The following JAKMIP1 variants were observed in gnomAD, a reference collection of about 807,000 sequenced individuals.
JAKMIP1 encodes the protein janus kinase and microtubule-interacting protein 1.
A neutral mutation model predicts 113.0 loss-of-function variants in JAKMIP1; 33 were observed. The observed-to-expected ratio is 0.29, with a 90% CI of 0.22 to 0.39. The LOEUF is 0.39. Among genes scored for constraint, JAKMIP1 ranks in the 10% least tolerant of loss-of-function variants. The pLI, the probability that JAKMIP1 is intolerant of heterozygous loss-of-function variation, is 1.00. For synonymous variants in JAKMIP1, 480 were observed against 459.9 expected, an observed-to-expected ratio of 1.04 and a Z score of -0.56; for missense variants, 813 against 1,080.5, an observed-to-expected ratio of 0.75 and a Z score of 3.47.
At chr4:6,134,911 A>T (rs1719013152) in intron 1 of JAKMIP1, among the ~76,000 whole-genome samples, 1 of 152,226 alleles carries the variant, frequency 6.6e-6, no homozygotes, top group Non-Finnish European at 1.5e-5. Flanking sequence ...CGCAGTGTAG[A>T]TGCAGATAAA....
At chr4:6,090,158 G>A (rs1721841620) in intron 3 of JAKMIP1, among the ~76,000 whole-genome samples, 1 of 151,956 alleles carries the variant, frequency 6.6e-6, no homozygotes, top group Non-Finnish European at 1.5e-5. Context: ...GCAGGCAGAG[G>A]TTGCAGTGAG....
intron 1 of JAKMIP1, among the ~76,000 whole-genome samples, chr4:6,118,197 A>G (rs1238545220): frequency 6.6e-6 from 1 of 152,218 alleles, no homozygotes; most frequent in East Asian, 1.9e-4. Context: ...GAAGTAATAA[A>G]TGTCCATAAA....
Position 6,199,608 on chromosome 4 carries a change from C to G in JAKMIP1, c.-148+645G>C, listed in dbSNP as rs1365798879. 6.6e-6 allele frequency among the ~76,000 whole-genome samples: 1 copy of G among 152,010 alleles called. No homozygotes were observed. The highest frequency in any genetic ancestry group is 2.4e-5 in the African/African-American group (1 of 41,430). ...TGGGTGCCAGCCTTTCTTCCCATCT[C>G]TCGAGCCTCCTCCCCGGCGCCCACG... On this transcript the variant is annotated intron_variant, in intron 1 of 20. Transcript: ENST00000409021. The surrounding 1 kb of genome is among the most constrained non-coding windows in gnomAD (Gnocchi z 5.6).
Position 6,105,459 on chromosome 4 carries a change from G to C in JAKMIP1, c.624+14C>G. 6.4e-7 allele frequency: 1 copy of C among 1,574,004 alleles called. No homozygotes were observed. Among genetic ancestry groups the C allele is most frequent in the Middle Eastern group, 2.1e-4 (1 of 4,784 alleles). On this transcript the variant is annotated intron_variant, in intron 3 of 20. Coordinates refer to ENST00000409021, the MANE Select transcript of JAKMIP1 (RefSeq NM_001099433.2). Reference sequence around the variant, plus strand: ...GGCCGCGTGCCCGCGGGCGGGGGAGGGGGCGGCACGTACCAGCCTGCGGAT... The same window carrying C: ...GGCCGCGTGCCCGCGGGCGGGGGAGCGGGCGGCACGTACCAGCCTGCGGAT...
intron 2 of JAKMIP1, among the ~76,000 whole-genome samples, chr4:6,112,199 T>C (rs1715048408): frequency 6.6e-6 from 1 of 152,218 alleles, no homozygotes; most frequent in South Asian, 2.1e-4. Context: ...CTTAGGAGCA[T>C]TTTTAAACAA....
Position 6,084,847 on chromosome 4 carries a change from A to T in JAKMIP1, c.953T>A (p.Leu318Gln). ...CGCCTGTCTCTTGGGGCTACTTACC[A>T]GTTCATTCCTCTCATCTGCCAACAG... The part of the protein sequence containing the change: ...NTLLADERNE[L>Q]LKRSRETEVQ... Residue 318 changes from leucine (L) to glutamine (Q), a missense_variant and splice_region_variant, in exon 5 of 21, where the codon CTG becomes CAG. This residue lies in a region of JAKMIP1 where 540 missense variants were observed against 653.9 expected (regional missense o/e 0.83). Coordinates refer to ENST00000409021, the MANE Select transcript of JAKMIP1 (RefSeq NM_001099433.2). The T allele has an allele frequency of 6.2e-7, 1 of 1,611,782 alleles. No individual in the cohort carries two copies. Among genetic ancestry groups the T allele is most frequent in the Non-Finnish European group, 8.5e-7 (1 of 1,179,448 alleles).
chr4:6,052,650 TAAAA>T (rs762425260), intron 13 of JAKMIP1, among the ~76,000 whole-genome samples: 3 of 53,986 alleles, frequency 5.6e-5, no homozygotes, highest in African/African-American at 7.4e-5. Flanking sequence ...GACTCTGTCC[TAAAA>T]AAAAAAAAAA....
rs1006671571 is a variant in JAKMIP1, at chr4:6,051,915, C to G, written c.1807-1236G>C. Among the ~76,000 whole-genome samples, 1 of 152,200 alleles carries G rather than the reference C, an allele frequency of 6.6e-6. No individual in the cohort carries two copies. The highest frequency in any genetic ancestry group is 2.4e-5 in the African/African-American group (1 of 41,432). The stretch of plus-strand genomic sequence containing the variant: ...TTTCAAATTACACCTTTAAATCAAA[C>G]TGCTTTAGTTTGAGCAGAGTTACGG... On this transcript the variant is annotated intron_variant, in intron 13 of 20. Transcript: ENST00000409021. This position sits in a 1 kb window ranked among gnomAD's most constrained non-coding sequence, Gnocchi z 5.0.
At chr4:6,098,524 AAGAGAG>A (rs747154232) in intron 3 of JAKMIP1, among the ~76,000 whole-genome samples, 5 of 84,946 alleles carry the variant, frequency 5.9e-5, no homozygotes, top group Non-Finnish European at 5.3e-5. Flanking sequence ...GGAAGGAAGA[AAGAGAG>A]AGAGAGAGAG....
rs554992737 is a variant in JAKMIP1, at chr4:6,046,078, C to T, written c.2028+2779G>A. Reference sequence around the variant, plus strand: ...GCAGTGCCTGTCGGCTCTAGGGTGACCAGCTTGTCCCTGTTGGCCCACGAC... The same window carrying T: ...GCAGTGCCTGTCGGCTCTAGGGTGATCAGCTTGTCCCTGTTGGCCCACGAC... On this transcript the variant is annotated intron_variant, in intron 16 of 20. Transcript: ENST00000409021. 2.8e-3 allele frequency among the ~76,000 whole-genome samples: 420 copies of T among 152,288 alleles called. 2 individuals carry two copies. Among genetic ancestry groups the T allele is most frequent in the Non-Finnish European group, 4.5e-3 (308 of 68,012 alleles).
At position 6,093,019 on chromosome 4, in the gene JAKMIP1, A is replaced by G. The variant is rs1229192182; in HGVS notation, c.625-7390T>C. 6.6e-6 allele frequency among the ~76,000 whole-genome samples: 1 copy of G among 152,246 alleles called. No individual in the cohort carries two copies. The highest frequency in any genetic ancestry group is 2.1e-4 in the South Asian group (1 of 4,838). ...TTTACTGGGAATCCAAGTATCACAT[A>G]TCATCATGGCTATTTTAGAGATATG... is the stretch of plus-strand genomic sequence containing the variant. On this transcript the variant is annotated intron_variant, in intron 3 of 20. Coordinates refer to ENST00000409021, the MANE Select transcript of JAKMIP1 (RefSeq NM_001099433.2). This position sits in a 1 kb window ranked among gnomAD's most constrained non-coding sequence, Gnocchi z 4.6.
At position 6,051,313 on chromosome 4, in the gene JAKMIP1, C is replaced by T. The variant is rs1715633945; in HGVS notation, c.1807-634G>A. Among the ~76,000 whole-genome samples, 1 of 151,982 alleles carries T rather than the reference C, an allele frequency of 6.6e-6. No homozygotes were observed. The highest frequency in any genetic ancestry group is 6.5e-5 in the Admixed American group (1 of 15,274). ...TCTTGGCTCACTGCAACCTCCACCT[C>T]CCGGGTTCAAGTGATTCTCCTGCCT... On this transcript the variant is annotated intron_variant, in intron 13 of 20. Coordinates refer to ENST00000409021, the MANE Select transcript of JAKMIP1 (RefSeq NM_001099433.2). The surrounding 1 kb of genome is among the most constrained non-coding windows in gnomAD (Gnocchi z 5.0).
chr4:6,074,525 C>T (rs1040369338), intron 8 of JAKMIP1, among the ~76,000 whole-genome samples: 2 of 152,216 alleles, frequency 1.3e-5, no homozygotes, highest in African/African-American at 2.4e-5. Context: ...GAAAAAGAAA[C>T]TAGTCTAGTC....
At chr4:6,124,732 A>C (rs1450987831) in intron 1 of JAKMIP1, among the ~76,000 whole-genome samples, 1 of 152,204 alleles carries the variant, frequency 6.6e-6, no homozygotes, top group African/African-American at 2.4e-5. Context: ...TGTCCCCTGC[A>C]GGCCTCTGCA....
Position 6,183,239 on chromosome 4 carries a change from G to A in JAKMIP1, c.-148+17014C>T, listed in dbSNP as rs1726249005. Among the ~76,000 whole-genome samples, 1 of 152,138 alleles carries A rather than the reference G, an allele frequency of 6.6e-6. No homozygotes were observed. The highest frequency in any genetic ancestry group is 1.5e-5 in the Non-Finnish European group (1 of 68,024). Reference sequence around the variant, plus strand: ...CACGCCTGTAATTCCAGCACTTTGGGAGGCTGAGGCAGGCGCATCACCTGA... The same window carrying A: ...CACGCCTGTAATTCCAGCACTTTGGAAGGCTGAGGCAGGCGCATCACCTGA... On this transcript the variant is annotated intron_variant, in intron 1 of 20. Coordinates refer to ENST00000409021, the MANE Select transcript of JAKMIP1 (RefSeq NM_001099433.2). This position sits in a 1 kb window ranked among gnomAD's most constrained non-coding sequence, Gnocchi z 5.3.
Position 6,040,645 on chromosome 4 carries a change from A to G in JAKMIP1, c.2169T>C (p.Ala723=). ...AACCCACTTCTGGTCCTACCAGGTAAGCCTGGTCAAGGGCTTGCTTCCGGT... is the reference window on the plus strand; with the variant it reads ...AACCCACTTCTGGTCCTACCAGGTAGGCCTGGTCAAGGGCTTGCTTCCGGT... ...LDYRKQALDQ[A]YLKIQDLEAT... is the part of the protein sequence containing the mutation. The change falls in exon 18 of 21, where the codon GCT becomes GCC. Residue 723 remains alanine (A), a synonymous_variant. Coordinates refer to ENST00000409021, the MANE Select transcript of JAKMIP1 (RefSeq NM_001099433.2). The surrounding 1 kb of genome is among the most constrained non-coding windows in gnomAD (Gnocchi z 5.8). 6.2e-7 allele frequency: 1 copy of G among 1,610,880 alleles called. No homozygotes were observed. The highest frequency in any genetic ancestry group is 1.3e-5 in the African/African-American group (1 of 75,000).
At position 6,168,202 on chromosome 4, in the gene JAKMIP1, G is replaced by T. The variant is rs1723899117; in HGVS notation, c.-148+32051C>A. 6.6e-6 allele frequency among the ~76,000 whole-genome samples: 1 copy of T among 152,206 alleles called. No individual in the cohort carries two copies. On this transcript the variant is annotated intron_variant, in intron 1 of 20. Coordinates refer to ENST00000409021, the MANE Select transcript of JAKMIP1 (RefSeq NM_001099433.2). This position sits in a 1 kb window ranked among gnomAD's most constrained non-coding sequence, Gnocchi z 4.6. The stretch of plus-strand genomic sequence containing the variant: ...TGCATTGCTGGTGGGGTCATGAAAT[G>T]ATGCAGCCACTTTGGAAAACAGTCT...
At chr4:6,128,861 C>A (rs1000919308) in intron 1 of JAKMIP1, among the ~76,000 whole-genome samples, 10 of 152,200 alleles carry the variant, frequency 6.6e-5, no homozygotes, top group African/African-American at 2.4e-4. Flanking sequence ...CACACCTCAC[C>A]CCTGCAGAGA....
chr4:6,031,372 G>A lies in JAKMIP1; in HGVS notation c.2380-1591C>T, dbSNP rs961979107. 6.6e-6 allele frequency among the ~76,000 whole-genome samples: 1 copy of A among 152,080 alleles called. No individual in the cohort carries two copies. The highest frequency in any genetic ancestry group is 2.4e-5 in the African/African-American group (1 of 41,412). ...GTGGAGGTTGCGGTGAGCTGAGATC[G>A]CGCCATTGCACTCCAGCCTGGGTGA... is the stretch of plus-strand genomic sequence containing the variant. On this transcript the variant is annotated intron_variant, in intron 19 of 20. Coordinates refer to ENST00000409021, the MANE Select transcript of JAKMIP1 (RefSeq NM_001099433.2). This position sits in a 1 kb window ranked among gnomAD's most constrained non-coding sequence, Gnocchi z 4.4.
Sources: allele counts gnomAD v4.1 joint callset (sites outside exome capture counted in the v4.1 genomes callset), GRCh38; gene constraint gnomAD v4.1.1; regional missense constraint gnomAD v4.1.1; non-coding constraint Gnocchi (gnomAD v3.1); transcripts MANE v1.5; gene names NCBI Gene and HGNC (gene_info 2026-07-23, HGNC 2026-07-21).